Variants in UBA3 observed in about 807,000 individuals in gnomAD.
UBA3 encodes ubiquitin like modifier activating enzyme 3.
A neutral mutation model predicts 73.5 loss-of-function variants in UBA3; 26 were observed. The observed-to-expected ratio is 0.35, with a 90% CI of 0.26 to 0.49. UBA3 has a LOEUF of 0.49. UBA3 is among the 20% of genes least tolerant of loss of function. UBA3 has a pLI of 0.98. For missense variants in UBA3, 495 were observed against 555.6 expected (o/e 0.89, Z 1.10); for synonymous variants, 217 against 191.2 (o/e 1.13, Z -1.11).
chr3:69,056,322 C>T (rs866190884), intron 14 of UBA3, 39 bp from the exon 15 acceptor site: 4 of 1,395,938 alleles, frequency 2.9e-6, no homozygotes, highest in Middle Eastern at 3.6e-4. Context: ...GCAGCACATG[C>T]ACCAATATTA....
chr3:69,061,405 G>C (rs1233178781), intron 11 of UBA3, among the ~76,000 whole-genome samples: 1 of 152,240 alleles, frequency 6.6e-6, no homozygotes, highest in Non-Finnish European at 1.5e-5. Flanking sequence ...ATGTTGGTCA[G>C]ACTGCTCTCG....
intron 7 of UBA3, among the ~76,000 whole-genome samples, 182 bp downstream of exon 7, chr3:69,063,886 T>C (rs2092044179): frequency 6.6e-6 from 1 of 152,314 alleles, no homozygotes; most frequent in South Asian, 2.1e-4. Flanking sequence ...AACTTGTAGC[T>C]GGTCATGTCA....
chr3:69,080,288 C>T (rs765728774), intron 1 of UBA3, 46 bp downstream of exon 1: 4 of 1,601,320 alleles, frequency 2.5e-6, no homozygotes, highest in Non-Finnish European at 3.4e-6. Flanking sequence ...CGCGCTCTCT[C>T]ACAACCCAGC....
At chr3:69,075,689 T>C (rs1464950739) in intron 3 of UBA3, among the ~76,000 whole-genome samples, 179 bp from the exon 4 acceptor site, 2 of 152,098 alleles carry the variant, frequency 1.3e-5, no homozygotes, top group Non-Finnish European at 2.9e-5. Flanking sequence ...CCAGGAATTC[T>C]AAAACTCTAA....
chr3:69,072,569 C>T (rs1420759317), intron 4 of UBA3, among the ~76,000 whole-genome samples: 1 of 152,216 alleles, frequency 6.6e-6, no homozygotes, highest in Non-Finnish European at 1.5e-5. Flanking sequence ...TTCAGTTGGT[C>T]ACCACACTCA....
intron 14 of UBA3, 152 bp downstream of exon 14, chr3:69,056,460 T>C (rs1163838582): frequency 4.7e-6 from 4 of 856,720 alleles, no homozygotes; most frequent in African/African-American, 3.4e-5. Flanking sequence ...TACTTCGCTA[T>C]AGAGTTATTT....
At chr3:69,060,739 G>T (rs1013699602) in intron 11 of UBA3, among the ~76,000 whole-genome samples, 2 of 152,174 alleles carry the variant, frequency 1.3e-5, no homozygotes, top group Non-Finnish European at 2.9e-5. Flanking sequence ...GGAGGTGTTT[G>T]GACCGTTAGG....
chr3:69,077,841 C>G lies in UBA3; in HGVS notation c.140G>C (p.Arg47Pro), dbSNP rs965427621. 1 of 1,614,106 alleles carries G rather than the reference C, an allele frequency of 6.2e-7. No homozygotes were observed. Among genetic ancestry groups the G allele is most frequent in the Non-Finnish European group, 8.5e-7 (1 of 1,180,004 alleles). The change falls in exon 3 of 18, where the codon CGA (arginine) becomes CCA (proline). Residue 47 changes from arginine (R) to proline (P), a missense_variant. Transcript: ENST00000361055. ...RWNHVKKFLE[R>P]SGPFTHPDFE... is the part of the protein sequence containing the mutation. ...ATCAGGGTGTGTGAAGGGTCCAGAT[C>G]GCTCGAGGAACTTCTTTACATGGTT...
At chr3:69,062,573 A>G (rs959498998) in intron 9 of UBA3, among the ~76,000 whole-genome samples, 13 of 152,220 alleles carry the variant, frequency 8.5e-5, no homozygotes, top group Middle Eastern at 3.2e-3. Context: ...TACATTTATT[A>G]TTCAAAATTT....
rs1294504464 is a variant in UBA3 at position 69,063,124 on chromosome 3, T to G, written c.551A>C (p.Asn184Thr). The change falls in exon 9 of 18, where the codon AAT (asparagine) becomes ACT (threonine). Residue 184 changes from asparagine to threonine, a missense_variant. By Grantham distance (65) the Asn-to-Thr change is moderately conservative. Transcript: ENST00000361055. ...WINGMLISLLNYEDGVLDPSS... is the reference protein window; with the variant it reads ...WINGMLISLLTYEDGVLDPSS... The stretch of plus-strand genomic sequence containing the variant: ...TGGATCTAAGACACCATCTTCATAA[T>G]TTAGAAGAGATATCTAGGAAAACAA... 4 of 1,613,696 alleles carry G rather than the reference T, an allele frequency of 2.5e-6. No individual in the cohort carries two copies. Among genetic ancestry groups the G allele is most frequent in the Non-Finnish European group, 3.4e-6 (4 of 1,179,914 alleles).
At chr3:69,063,218 G>A (rs2092038624) in intron 8 of UBA3, 81 bp from the exon 9 acceptor site, 3 of 1,552,232 alleles carry the variant, frequency 1.9e-6, no homozygotes, top group Non-Finnish European at 1.8e-6. Context: ...GTAATCCTAT[G>A]AGTCGGTTGT....
At chr3:69,061,957 G>T in intron 10 of UBA3, 30 bp from the exon 11 acceptor site, 1 of 1,496,532 alleles carries the variant, frequency 6.7e-7, no homozygotes, top group South Asian at 1.2e-5. Context: ...GAGAGAGAGA[G>T]AGAGAGAAGA....
intron 4 of UBA3, among the ~76,000 whole-genome samples, 188 bp from the exon 5 acceptor site, chr3:69,071,805 A>C (rs1396048523): frequency 6.6e-6 from 1 of 152,224 alleles, no homozygotes. Context: ...AAAAGTGTAC[A>C]ATCACTCAGT....
intron 4 of UBA3, among the ~76,000 whole-genome samples, chr3:69,072,404 CCTGA>C (rs1351114910): frequency 1.3e-5 from 2 of 152,192 alleles, no homozygotes; most frequent in South Asian, 4.1e-4. Context: ...CTTTCAAAGT[CCTGA>C]CTGTTCTCAA....
chr3:69,058,181 T>C (rs1025928478), intron 11 of UBA3, among the ~76,000 whole-genome samples: 37 of 152,170 alleles, frequency 2.4e-4, no homozygotes, highest in African/African-American at 6.5e-4. Context: ...CCGCCCGCCC[T>C]GGCCTCCCAA....
rs1293602198 is a variant in UBA3, at chr3:69,055,909, G to C, written c.1249-4C>G. The stretch of plus-strand genomic sequence containing the variant: ...GTTCTTCAATAGAGGTTACCGACTA[G>C]AAAACAAAATTACTTTAATGTAAGA... On this transcript the variant is annotated splice_region_variant and splice_polypyrimidine_tract_variant and intron_variant, in intron 16 of 17. Transcript: ENST00000361055. 1.2e-6 allele frequency: 2 copies of C among 1,611,074 alleles called. No individual in the cohort carries two copies. The highest frequency in any genetic ancestry group is 1.1e-5 in the South Asian group (1 of 90,466).
chr3:69,080,273 A>T, intron 1 of UBA3, 61 bp downstream of exon 1: 1 of 1,589,566 alleles, frequency 6.3e-7, no homozygotes, highest in Admixed American at 1.7e-5. Context: ...GCAACCGCCC[A>T]CCGCCGCGCT....
chr3:69,067,824 C>CT (rs538177007), intron 6 of UBA3, 104 bp downstream of exon 6: 1 of 795,860 alleles, frequency 1.3e-6, no homozygotes, highest in Non-Finnish European at 2.0e-6. Flanking sequence ...CTACTGCTGA[C>CT]TTTTTTTCCC....
intron 11 of UBA3, chr3:69,061,484 C>T (rs896080704): frequency 5.7e-5 from 10 of 174,804 alleles, no homozygotes; most frequent in South Asian, 1.7e-4. Context: ...TATAAGCCAC[C>T]GCAGCTGACC....
Sources: gnomAD v4.1 joint callset for allele counts (sites outside exome capture counted in the v4.1 genomes callset) on GRCh38, gnomAD v4.1.1 for gene constraint, MANE v1.5 for transcripts, NCBI Gene and HGNC (gene_info 2026-07-23, HGNC 2026-07-21) for gene names.